The following MYH11 variants were observed in gnomAD, a reference collection of about 807,000 sequenced individuals.
The protein encoded by MYH11 is myosin heavy chain 11.
A neutral mutation model predicts 246.6 loss-of-function variants in MYH11; 80 were observed. The observed-to-expected ratio is 0.32, with a 90% CI of 0.27 to 0.39. The LOEUF (loss-of-function observed/expected upper bound fraction) is 0.39. MYH11 is among the 10% of genes least tolerant of loss of function. The probability of loss-of-function intolerance (pLI) is 1.00; values close to 1 mark genes in which losing one functional copy is unlikely to be tolerated. For missense variants in MYH11, 2,158 were observed against 2,546.8 expected (o/e 0.85, Z 3.29); for synonymous variants, 1,071 against 1,015.5 (o/e 1.05, Z -1.04).
At chr16:15,721,855 GGTTTGTGTGTTT>G (rs1355897377) in intron 31 of MYH11, among the ~76,000 whole-genome samples, 3 of 151,348 alleles carry the variant, frequency 2.0e-5, no homozygotes, top group Non-Finnish European at 4.4e-5. Flanking sequence ...TTTTTTTGTT[GGTTTGTGTGTTT>G]GTTTGTTTTA....
chr16:15,780,910 G>A (rs567531878), intron 6 of MYH11, among the ~76,000 whole-genome samples: 1 of 152,324 alleles, frequency 6.6e-6, no homozygotes, highest in South Asian at 2.1e-4. Context: ...CTGAGAGTCA[G>A]TTGCCATTCT....
At chr16:15,852,951 C>G (rs1290360200) in intron 1 of MYH11, among the ~76,000 whole-genome samples, 1 of 152,110 alleles carries the variant, frequency 6.6e-6, no homozygotes, top group Non-Finnish European at 1.5e-5. Flanking sequence ...TATGTCAGCC[C>G]TATTCACAGT....
chr16:15,782,274 T>C, intron 6 of MYH11, 111 bp downstream of exon 6: 1 of 864,580 alleles, frequency 1.2e-6, no homozygotes, highest in South Asian at 1.3e-5. Context: ...ATACAGCCCA[T>C]CTCTCCAGGG....
chr16:15,752,747 T>C (rs972413137), intron 15 of MYH11, among the ~76,000 whole-genome samples: 7 of 152,072 alleles, frequency 4.6e-5, no homozygotes, highest in Non-Finnish European at 8.8e-5. Context: ...GGTATGGTGG[T>C]GTGTGCCTGT....
intron 9 of MYH11, among the ~76,000 whole-genome samples, chr16:15,770,974 T>G (rs2042086339): frequency 6.6e-6 from 1 of 151,694 alleles, no homozygotes; most frequent in Non-Finnish European, 1.5e-5. Context: ...TAGATCTCAC[T>G]GTACCTGAAG....
In MYH11 at chr16:15,756,500, A is replaced by T; in HGVS notation, c.1590T>A (p.Gly530=). The part of the protein sequence containing the change: ...ELIERPNNPP[G]VLALLDEECW... The stretch of plus-strand genomic sequence containing the variant: ...ATTCCTCGTCCAGCAGGGCCAGCAC[A>T]CCTGGAGGGTTGTTCTGTGGGAGAC... The change falls in exon 14 of 41, where the codon GGT becomes GGA. Residue 530 remains glycine, a synonymous_variant. Coordinates refer to ENST00000300036, the MANE Select transcript of MYH11 (RefSeq NM_002474.3). The T allele has an allele frequency of 1.9e-6, 3 of 1,614,166 alleles. No individual in the cohort carries two copies. The East Asian group carries it at 6.7e-5, about 36-fold the overall frequency.
intron 6 of MYH11, chr16:15,779,145 T>C (rs2042291246): frequency 2.1e-6 from 1 of 477,356 alleles, no homozygotes; most frequent in South Asian, 2.1e-5. Context: ...ATTTATTTAT[T>C]AGAGACAAGG....
At chr16:15,853,304 C>T (rs1311303423) in intron 1 of MYH11, among the ~76,000 whole-genome samples, 2 of 152,116 alleles carry the variant, frequency 1.3e-5, no homozygotes, top group Non-Finnish European at 2.9e-5. Flanking sequence ...TGCATGCCAC[C>T]ATGCCCAGCT....
chr16:15,719,550 G>A (rs770275961), intron 35 of MYH11, 35 bp downstream of exon 35: 6 of 1,612,948 alleles, frequency 3.7e-6, no homozygotes, highest in Middle Eastern at 1.8e-4. Context: ...CGTGACACCC[G>A]CATCTGAGGC....
chr16:15,717,363 G>A lies in MYH11; in HGVS notation c.5296-15C>T, dbSNP rs889831199. 3.7e-6 allele frequency: 6 copies of A among 1,603,406 alleles called. No homozygotes were observed. The African/African-American group carries it at 8.0e-5, about 21-fold the overall frequency. ...AGCTGCTCGGCCTGGGGAGGAGAGT[G>A]AAGGCCATGAGGCGGACTCAGGGAA... On this transcript the variant is annotated splice_polypyrimidine_tract_variant and intron_variant, in intron 37 of 40. Transcript: ENST00000300036.
intron 9 of MYH11, among the ~76,000 whole-genome samples, chr16:15,764,606 G>A (rs953465160): frequency 6.6e-5 from 10 of 152,152 alleles, no homozygotes; most frequent in Non-Finnish European, 1.2e-4. Context: ...AAAACTAATC[G>A]ATGCTGTTAG....
Position 15,748,143 on chromosome 16 carries a change from AC to A in MYH11, c.2083del (p.Val695CysfsTer56). On this transcript the variant is annotated frameshift_variant, in exon 17 of 41. Transcript: ENST00000300036. LOFTEE classifies it high-confidence loss of function. ...KRSGKLDAFL[V>X]LEQLRCNGVL... ...CCCATTGCACCGCAGCTGCTCCAGC[AC>A]CAGGAACGCATCCAGCTTGCCGGAC... The A allele has an allele frequency of 6.2e-7, 1 of 1,614,036 alleles. No homozygotes were observed. The highest frequency in any genetic ancestry group is 1.7e-5 in the Admixed American group (1 of 60,020).
chr16:15,804,439 G>A (rs777547241), intron 3 of MYH11, among the ~76,000 whole-genome samples: 15 of 152,018 alleles, frequency 9.9e-5, no homozygotes, highest in East Asian at 5.8e-4. Flanking sequence ...GGAGAATCGC[G>A]TGAACCAGGG....
chr16:15,747,489 T>G, intron 19 of MYH11, 81 bp downstream of exon 19: 1 of 1,562,630 alleles, frequency 6.4e-7, no homozygotes, highest in Admixed American at 1.7e-5. Flanking sequence ...AGGTGGCCTC[T>G]TAGAATCAGG....
intron 2 of MYH11, among the ~76,000 whole-genome samples, chr16:15,833,413 G>GGAAGGAAGGAAGGAAGGA (rs1420702082): frequency 3.4e-5 from 5 of 146,740 alleles, no homozygotes; most frequent in African/African-American, 1.3e-4. Flanking sequence ...GGAAGGAAGG[G>GGAAGGAAGGAAGGAAGGA]AGGAACGAAC....
chr16:15,720,210 G>C lies in MYH11; in HGVS notation c.4894C>G (p.Gln1632Glu), dbSNP rs1394409011. The change falls in exon 34 of 41, where the codon CAG becomes GAG. Residue 1632 changes from glutamine to glutamate, a missense_variant. Around this residue, in one of 11 missense-constraint regions of MYH11, gnomAD observed 1,013 missense variants for 993.5 expected, o/e 1.02. Transcript: ENST00000300036. ...LEGDLKDLEL[Q>E]ADSAIKGREE... is the part of the protein sequence containing the mutation. Reference sequence around the variant, plus strand: ...CTCCCCTTGATGGCAGAGTCGGCCTGAAGCTCCAGGTCTTTCAGGTCCCCT... The same window carrying C: ...CTCCCCTTGATGGCAGAGTCGGCCTCAAGCTCCAGGTCTTTCAGGTCCCCT... 1.2e-6 allele frequency: 2 copies of C among 1,614,138 alleles called. No individual in the cohort carries two copies. The highest frequency in any genetic ancestry group is 1.3e-5 in the African/African-American group (1 of 75,030).
chr16:15,747,703 A>C lies in MYH11; in HGVS notation c.2278T>G (p.Leu760Val). 2 of 1,614,030 alleles carry C rather than the reference A, an allele frequency of 1.2e-6. No homozygotes were observed. Among genetic ancestry groups the C allele is most frequent in the Non-Finnish European group, 1.7e-6 (2 of 1,180,002 alleles). Reference protein sequence around the residue: ...MIKALELDPNLYRIGQSKIFF... With the variant: ...MIKALELDPNVYRIGQSKIFF... The stretch of plus-strand genomic sequence containing the variant: ...ATTTTGCTCTGCCCTATCCTGTATA[A>C]GTTGGGGTCAAGTTCCAGGGCTTTG... Residue 760 changes from leucine to valine, a missense_variant, in exon 19 of 41, where the codon TTA becomes GTA. By Grantham distance (32) the Leu-to-Val change is conservative. Transcript: ENST00000300036.
At chr16:15,789,721 G>A (rs553729255) in intron 4 of MYH11, among the ~76,000 whole-genome samples, 13 of 152,164 alleles carry the variant, frequency 8.5e-5, no homozygotes, top group South Asian at 2.1e-4. Context: ...TCAGGCTAAC[G>A]TCAGAACCTT....
intron 1 of MYH11, among the ~76,000 whole-genome samples, chr16:15,847,927 G>C (rs115347668): frequency 0.016 from 2,377 of 152,234 alleles, 62 homozygotes; most frequent in African/African-American, 0.051. Context: ...TGGAGCTGCG[G>C]AGGTTGAGAA....
Sources: allele counts gnomAD v4.1 joint callset (sites outside exome capture counted in the v4.1 genomes callset), GRCh38; gene constraint gnomAD v4.1.1; regional missense constraint gnomAD v4.1.1; transcripts MANE v1.5; gene names NCBI Gene and HGNC (gene_info 2026-07-23, HGNC 2026-07-21).